IGF2BP3: variants seen among roughly 807,000 people sequenced by gnomAD.
The protein encoded by IGF2BP3 is insulin like growth factor 2 mRNA binding protein 3, also known as insulin-like growth factor 2 mRNA-binding protein 3.
IGF2BP3 carries 9 observed loss-of-function variants against 73.8 expected under a neutral mutation model. The ratio of observed to expected loss-of-function variants is 0.12; its 90% CI spans 0.07 to 0.21. The LOEUF (loss-of-function observed/expected upper bound fraction) is 0.21. Ranked by LOEUF, IGF2BP3 falls within the 10% of genes least tolerant of loss-of-function variation. IGF2BP3 has a pLI of 1.00. For synonymous variants in IGF2BP3, 258 were observed against 256.7 expected, an observed-to-expected ratio of 1.01 and a Z score of -0.05; for missense variants, 542 against 714.0, an observed-to-expected ratio of 0.76 and a Z score of 2.75.
At chr7:23,355,809 T>C (rs2128506308) in intron 5 of IGF2BP3, among the ~76,000 whole-genome samples, 1 of 152,172 alleles carries the variant, frequency 6.6e-6, no homozygotes, top group East Asian at 1.9e-4. Context: ...GGCGTGAGCC[T>C]ATAATTCCAG....
chr7:23,405,858 GA>G (rs1786812360), intron 3 of IGF2BP3, among the ~76,000 whole-genome samples: 1 of 152,186 alleles, frequency 6.6e-6, no homozygotes, highest in African/African-American at 2.4e-5. Flanking sequence ...CCATCTTGGT[GA>G]AAGAATTCGC....
At chr7:23,468,374 G>T in intron 2 of IGF2BP3, 108 bp downstream of exon 2, 2 of 1,108,616 alleles carry the variant, frequency 1.8e-6, no homozygotes, top group Non-Finnish European at 2.8e-6. Context: ...GGAACACCAC[G>T]CCACACGGCA....
chr7:23,442,617 C>T (rs1472823519), intron 2 of IGF2BP3, among the ~76,000 whole-genome samples: 3 of 152,024 alleles, frequency 2.0e-5, no homozygotes, highest in East Asian at 1.9e-4. Context: ...AGGCTGGTCT[C>T]GAACTCCTGA....
intron 1 of IGF2BP3, 101 bp from the exon 2 acceptor site, chr7:23,468,643 C>A: frequency 3.3e-6 from 4 of 1,211,164 alleles, no homozygotes; most frequent in South Asian, 2.5e-5. Context: ...CCTCCTGAGG[C>A]CCTCGAAGGG....
At chr7:23,356,189 G>A (rs1417898955) in intron 5 of IGF2BP3, among the ~76,000 whole-genome samples, 1 of 152,118 alleles carries the variant, frequency 6.6e-6, no homozygotes, top group African/African-American at 2.4e-5. Flanking sequence ...TCCTCCAAAG[G>A]TCATTTTCCT....
chr7:23,377,690 A>G (rs982375397), intron 3 of IGF2BP3, among the ~76,000 whole-genome samples: 11 of 152,192 alleles, frequency 7.2e-5, no homozygotes, highest in African/African-American at 2.7e-4. Flanking sequence ...GCATCATTCA[A>G]TGGAAACAAC....
intron 3 of IGF2BP3, among the ~76,000 whole-genome samples, chr7:23,374,083 A>C (rs1785643426): frequency 6.6e-6 from 1 of 152,236 alleles, no homozygotes; most frequent in Non-Finnish European, 1.5e-5. Context: ...ACCCAGCCTC[A>C]GGTATTCCTT....
chr7:23,379,731 C>T (rs1004268159), intron 3 of IGF2BP3, among the ~76,000 whole-genome samples: 3 of 152,166 alleles, frequency 2.0e-5, no homozygotes, highest in African/African-American at 7.2e-5. Flanking sequence ...CAAACTGCTC[C>T]TCCCCATGTG....
At chr7:23,383,665 CA>C (rs1785984686) in intron 3 of IGF2BP3, among the ~76,000 whole-genome samples, 1 of 152,142 alleles carries the variant, frequency 6.6e-6, no homozygotes, top group African/African-American at 2.4e-5. Flanking sequence ...CACATGTTCA[CA>C]CAAGAAATCG....
chr7:23,361,800 C>T, intron 3 of IGF2BP3, 59 bp from the exon 4 acceptor site: 1 of 1,434,814 alleles, frequency 7.0e-7, no homozygotes, highest in Non-Finnish European at 9.6e-7. Flanking sequence ...TTATCAAGGG[C>T]AGGAATATGT....
chr7:23,325,643 G>A (rs1784274434), intron 10 of IGF2BP3, among the ~76,000 whole-genome samples: 1 of 152,190 alleles, frequency 6.6e-6, no homozygotes, highest in African/African-American at 2.4e-5. Flanking sequence ...GAACAAAGCT[G>A]GAGGCATCAC....
At chr7:23,447,001 AAGC>A (rs1453028527) in intron 2 of IGF2BP3, among the ~76,000 whole-genome samples, 1 of 151,918 alleles carries the variant, frequency 6.6e-6, no homozygotes, top group Non-Finnish European at 1.5e-5. Flanking sequence ...TCAGGAGTTC[AAGC>A]CCAGCCTGCC....
intron 10 of IGF2BP3, among the ~76,000 whole-genome samples, chr7:23,337,449 G>A (rs1207943705): frequency 6.6e-6 from 1 of 152,188 alleles, no homozygotes; most frequent in Non-Finnish European, 1.5e-5. Context: ...GGCTCTGGGA[G>A]GCTCCTTTAA....
chr7:23,440,998 G>A (rs1273479082), intron 2 of IGF2BP3, among the ~76,000 whole-genome samples: 2 of 152,048 alleles, frequency 1.3e-5, no homozygotes, highest in East Asian at 3.9e-4. Flanking sequence ...TGGGACTTGG[G>A]AAGGCTTTAC....
At chr7:23,338,232 A>C (rs943242319) in intron 10 of IGF2BP3, among the ~76,000 whole-genome samples, 19 of 152,296 alleles carry the variant, frequency 1.2e-4, no homozygotes, top group Admixed American at 5.2e-4. Context: ...AGGTAGAAAA[A>C]GGGATATACA....
chr7:23,382,008 C>A (rs965680031), intron 3 of IGF2BP3, among the ~76,000 whole-genome samples: 1 of 152,316 alleles, frequency 6.6e-6, no homozygotes, highest in South Asian at 2.1e-4. Flanking sequence ...GTAATCCCAG[C>A]ACCTTGGGAG....
intron 3 of IGF2BP3, among the ~76,000 whole-genome samples, chr7:23,370,485 G>A (rs774531513): frequency 3.9e-5 from 6 of 152,092 alleles, no homozygotes; most frequent in Non-Finnish European, 8.8e-5. Flanking sequence ...AAATCTCTCT[G>A]GAAATGGGTT....
intron 2 of IGF2BP3, among the ~76,000 whole-genome samples, chr7:23,451,992 CTTTTT>C (rs796497374): frequency 7.0e-6 from 1 of 142,032 alleles, no homozygotes; most frequent in African/African-American, 2.6e-5. Flanking sequence ...TTCTTTTTTC[CTTTTT>C]TTTTTTTATT....
At chr7:23,381,215 T>C (rs1475619877) in intron 3 of IGF2BP3, among the ~76,000 whole-genome samples, 24 of 152,222 alleles carry the variant, frequency 1.6e-4, no homozygotes. Flanking sequence ...TTATTCCACT[T>C]AGTCATCTGA....
Sources: allele counts gnomAD v4.1 joint callset (sites outside exome capture counted in the v4.1 genomes callset), GRCh38; gene constraint gnomAD v4.1.1; transcripts MANE v1.5; gene names NCBI Gene and HGNC (gene_info 2026-07-23, HGNC 2026-07-21).